Variants in AGAP1 observed in about 807,000 individuals in gnomAD.
The protein encoded by AGAP1 is arf-GAP with GTPase, ANK repeat and PH domain-containing protein 1.
AGAP1 carries 29 observed loss-of-function variants against 105.3 expected under a neutral mutation model. The observed-to-expected ratio is 0.28, with a 90% confidence interval of 0.21 to 0.38. The LOEUF (loss-of-function observed/expected upper bound fraction) is 0.38. Ranked by LOEUF, AGAP1 falls within the 10% of genes least tolerant of loss-of-function variation. The probability of loss-of-function intolerance (pLI) is 1.00; values close to 1 mark genes in which losing one functional copy is unlikely to be tolerated. For synonymous variants in AGAP1, 509 were observed against 485.9 expected (o/e 1.05, Z -0.63); for missense variants, 998 against 1,165.1 (o/e 0.86, Z 2.09).
rs1301910969 is a variant in AGAP1, at chr2:235,830,443, C to G, written c.1050+23112C>G. Among the ~76,000 whole-genome samples, 1 of 152,202 alleles carries G rather than the reference C, an allele frequency of 6.6e-6. No individual in the cohort carries two copies. ...TGCAGGCACTTCAAAGCCGTCAGTT[C>G]CATTCATTGTTTTTCAAAGTATTCA... On this transcript the variant is annotated intron_variant, in intron 9 of 17. Transcript: ENST00000304032. This position sits in a 1 kb window ranked among gnomAD's most constrained non-coding sequence, Gnocchi z 5.5.
intron 9 of AGAP1, among the ~76,000 whole-genome samples, chr2:235,822,241 T>G (rs1482543263): frequency 6.6e-6 from 1 of 152,262 alleles, no homozygotes; most frequent in Admixed American, 6.5e-5. Flanking sequence ...CTGATAAATG[T>G]GTACAGTCTT....
At chr2:235,903,835 G>A (rs1024516936) in intron 10 of AGAP1, among the ~76,000 whole-genome samples, 5 of 152,078 alleles carry the variant, frequency 3.3e-5, no homozygotes, top group South Asian at 4.2e-4. Flanking sequence ...GTAACCTCCC[G>A]GTCCTGGGAA....
In AGAP1 at chr2:235,754,029, T is replaced by G. The variant is rs2149732893; in HGVS notation, c.673+3541T>G. On this transcript the variant is annotated intron_variant, in intron 6 of 17. Transcript: ENST00000304032. This position sits in a 1 kb window ranked among gnomAD's most constrained non-coding sequence, Gnocchi z 4.6. ...CAAGGAAAGTTAAACATTGTAAGGT[T>G]TATATAAAGTTGAAGAAATTGAGGC... Among the ~76,000 whole-genome samples, 1 of 152,290 alleles carries G rather than the reference T, an allele frequency of 6.6e-6. No individual in the cohort carries two copies. Among genetic ancestry groups the G allele is most frequent in the African/African-American group, 2.4e-5 (1 of 41,556 alleles).
rs1482461519 is a variant in AGAP1 at position 236,120,973 on chromosome 2, T to C, written c.2370+526T>C. ...GAAGGAGTGAAAGAGAAGGATAAAG[T>C]GGTTGTGCAGAGAGGCCCTGCCTGT... On this transcript the variant is annotated intron_variant, in intron 17 of 17. Coordinates refer to ENST00000304032, the MANE Select transcript of AGAP1 (RefSeq NM_001037131.3). The surrounding 1 kb of genome is among the most constrained non-coding windows in gnomAD (Gnocchi z 6.0). 6.6e-6 allele frequency among the ~76,000 whole-genome samples: 1 copy of C among 152,180 alleles called. No individual in the cohort carries two copies. Among genetic ancestry groups the C allele is most frequent in the East Asian group, 1.9e-4 (1 of 5,192 alleles).
At position 235,732,784 on chromosome 2, in the gene AGAP1, C is replaced by T. The variant is rs536624540; in HGVS notation, c.311-8179C>T. ...ATCTAGGCTGTTGGGAGCCCGTGAC[C>T]GCCCTGCTTCCTGTGGTGGGAGAAG... is the stretch of plus-strand genomic sequence containing the variant. On this transcript the variant is annotated intron_variant, in intron 3 of 17. Transcript: ENST00000304032. The surrounding 1 kb of genome is among the most constrained non-coding windows in gnomAD (Gnocchi z 4.8). Among the ~76,000 whole-genome samples, 23 of 152,294 alleles carry T rather than the reference C, an allele frequency of 1.5e-4. No individual in the cohort carries two copies. Among genetic ancestry groups the T allele is most frequent in the Admixed American group, 1.0e-3 (16 of 15,296 alleles).
At position 235,968,638 on chromosome 2, in the gene AGAP1, G is replaced by T. The variant is rs1052836824; in HGVS notation, c.1645+15G>T. Reference sequence around the variant, plus strand: ...CACTGCTGAAGGTAAGGGTTCCGCGGTGCCCCGGGAGAGAGTCTCCACTGC... The same window carrying T: ...CACTGCTGAAGGTAAGGGTTCCGCGTTGCCCCGGGAGAGAGTCTCCACTGC... On this transcript the variant is annotated intron_variant, in intron 13 of 17. Coordinates refer to ENST00000304032, the MANE Select transcript of AGAP1 (RefSeq NM_001037131.3). The T allele has an allele frequency of 5.6e-6, 9 of 1,596,542 alleles. No homozygotes were observed. Among genetic ancestry groups the T allele is most frequent in the Non-Finnish European group, 7.7e-6 (9 of 1,175,174 alleles).
chr2:235,523,556 C>T (rs1255259364), intron 1 of AGAP1, among the ~76,000 whole-genome samples: 2 of 152,156 alleles, frequency 1.3e-5, no homozygotes, highest in Non-Finnish European at 2.9e-5. Context: ...GTGCTGTCCG[C>T]TAAGCTCCCT....
intron 13 of AGAP1, among the ~76,000 whole-genome samples, chr2:235,978,726 T>A (rs1188555520): frequency 6.6e-6 from 1 of 152,220 alleles, no homozygotes; most frequent in African/African-American, 2.4e-5. Context: ...CCTGTGGCTC[T>A]CAGAGTTGCT....
chr2:235,520,674 GTTAT>G (rs1364539514), intron 1 of AGAP1, among the ~76,000 whole-genome samples: 1 of 152,058 alleles, frequency 6.6e-6, no homozygotes, highest in African/African-American at 2.4e-5. Context: ...TTTTTTTGCT[GTTAT>G]TTGTTTAAGA....
intron 1 of AGAP1, among the ~76,000 whole-genome samples, chr2:235,570,471 A>C (rs1559256238): frequency 6.6e-6 from 1 of 152,220 alleles, no homozygotes; most frequent in East Asian, 1.9e-4. Context: ...TTATCACACA[A>C]ATATGCTTGG....
At chr2:235,670,710 C>T (rs1372593949) in intron 1 of AGAP1, 6 of 775,432 alleles carry the variant, frequency 7.7e-6, no homozygotes, top group Non-Finnish European at 1.1e-5. Context: ...ACGCAGCCCG[C>T]CTCGGAGAAG....
chr2:235,966,246 A>G (rs1451807172), intron 12 of AGAP1, among the ~76,000 whole-genome samples: 1 of 124,136 alleles, frequency 8.1e-6, no homozygotes, highest in Non-Finnish European at 1.7e-5. Context: ...GAGAGAGGGG[A>G]GTCCGTTCCT....
chr2:235,754,465 CG>C lies in AGAP1; in HGVS notation c.673+3979del, dbSNP rs1267031215. ...AAATCCAGCTGCTTCCATTGCCCTG[CG>C]GAGGCCATGTTCCTGATTGGCTCTG... On this transcript the variant is annotated intron_variant, in intron 6 of 17. Coordinates refer to ENST00000304032, the MANE Select transcript of AGAP1 (RefSeq NM_001037131.3). This position sits in a 1 kb window ranked among gnomAD's most constrained non-coding sequence, Gnocchi z 4.6. Among the ~76,000 whole-genome samples the C allele has an allele frequency of 6.6e-6, 1 of 151,432 alleles. No homozygotes were observed.
intron 6 of AGAP1, among the ~76,000 whole-genome samples, chr2:235,771,748 C>G (rs889562892): frequency 6.6e-6 from 1 of 152,146 alleles, no homozygotes; most frequent in African/African-American, 2.4e-5. Flanking sequence ...CTCCTTACCT[C>G]CCCCTCTTCC....
chr2:236,092,631 A>G lies in AGAP1; in HGVS notation c.2115-27561A>G, dbSNP rs1002381991. Among the ~76,000 whole-genome samples, 15 of 152,290 alleles carry G rather than the reference A, an allele frequency of 9.8e-5. No individual in the cohort carries two copies. Among genetic ancestry groups the G allele is most frequent in the African/African-American group, 3.4e-4 (14 of 41,546 alleles). On this transcript the variant is annotated intron_variant, in intron 16 of 17. Coordinates refer to ENST00000304032, the MANE Select transcript of AGAP1 (RefSeq NM_001037131.3). This position sits in a 1 kb window ranked among gnomAD's most constrained non-coding sequence, Gnocchi z 4.7. ...ATGGTCTCGATCTCCTGACCTCATG[A>G]TCCACCCGCCTTGGCCTCCCAAAGT... is the stretch of plus-strand genomic sequence containing the variant.
intron 9 of AGAP1, among the ~76,000 whole-genome samples, chr2:235,873,589 C>G (rs1002286984): frequency 1.3e-5 from 2 of 152,136 alleles, no homozygotes; most frequent in South Asian, 4.1e-4. Context: ...GCTGGGGAGT[C>G]CGGGCTTTCC....
chr2:235,657,785 G>A (rs1169051465), intron 1 of AGAP1, among the ~76,000 whole-genome samples: 2 of 152,168 alleles, frequency 1.3e-5, no homozygotes, highest in Non-Finnish European at 2.9e-5. Context: ...GCCTCATAAT[G>A]CGATTCTATT....
At position 236,049,049 on chromosome 2, in the gene AGAP1, C is replaced by A; in HGVS notation, c.1892-10C>A. On this transcript the variant is annotated splice_polypyrimidine_tract_variant and intron_variant, in intron 15 of 17. Transcript: ENST00000304032. Reference sequence around the variant, plus strand: ...TGATTGCGTTTAGCGTTCTGTTCCTCTTCCCGTAGATCCCAACTGGGCCAG... The same window carrying A: ...TGATTGCGTTTAGCGTTCTGTTCCTATTCCCGTAGATCCCAACTGGGCCAG... 1 of 1,611,728 alleles carries A rather than the reference C, an allele frequency of 6.2e-7. No individual in the cohort carries two copies. The highest frequency in any genetic ancestry group is 8.5e-7 in the Non-Finnish European group (1 of 1,178,214).
chr2:235,914,528 AT>A (rs1434137908), intron 11 of AGAP1, among the ~76,000 whole-genome samples: 11 of 152,182 alleles, frequency 7.2e-5, no homozygotes, highest in Admixed American at 7.2e-4. Context: ...TATTCCTAGC[AT>A]TTGGGAAGTG....
Sources: gnomAD v4.1 joint callset for allele counts (sites outside exome capture counted in the v4.1 genomes callset) on GRCh38, gnomAD v4.1.1 for gene constraint, Gnocchi (gnomAD v3.1) non-coding constraint, MANE v1.5 for transcripts, NCBI Gene and HGNC (gene_info 2026-07-23, HGNC 2026-07-21) for gene names.